SULF1: variants seen among roughly 807,000 people sequenced by gnomAD.
The protein encoded by SULF1 is sulfatase 1, also known as extracellular sulfatase Sulf-1.
In SULF1, 46 loss-of-function variants were observed where a neutral mutation model predicts 110.5. That is an observed-to-expected ratio of 0.42 (90% CI 0.33 to 0.53). SULF1 has a LOEUF of 0.53. Among genes scored for constraint, SULF1 ranks in the 20% least tolerant of loss-of-function variants. The pLI, the probability that SULF1 is intolerant of heterozygous loss-of-function variation, is 0.12. For missense variants in SULF1, 941 were observed against 1,094.2 expected, an observed-to-expected ratio of 0.86 and a Z score of 1.98; for synonymous variants, 371 against 387.1, an observed-to-expected ratio of 0.96 and a Z score of 0.49.
intron 10 of SULF1, among the ~76,000 whole-genome samples, chr8:69,602,585 G>C (rs1807911677): frequency 6.6e-6 from 1 of 152,216 alleles, no homozygotes; most frequent in East Asian, 1.9e-4. Context: ...TTCTGGAAGT[G>C]GTGGCAGTGG....
chr8:69,649,972 CTTTTTTTTTTTTTTTTTTT>C (rs536073966), intron 22 of SULF1, among the ~76,000 whole-genome samples: 5 of 30,588 alleles, frequency 1.6e-4, no homozygotes, highest in Admixed American at 4.8e-4. Context: ...CTCCTGCTTG[CTTTTTTTTTTTTTTTTTTT>C]TTTTTTTTTT....
chr8:69,548,485 G>A (rs148500859), intron 3 of SULF1, among the ~76,000 whole-genome samples: 26 of 147,828 alleles, frequency 1.8e-4, no homozygotes, highest in South Asian at 6.4e-4. Context: ...TCACTCTGTC[G>A]CTCAAGCTAG....
chr8:69,538,558 G>A (rs1037480400), intron 3 of SULF1, among the ~76,000 whole-genome samples: 3 of 152,194 alleles, frequency 2.0e-5, no homozygotes, highest in African/African-American at 7.2e-5. Flanking sequence ...CTTGCTAATG[G>A]TATGGAGAGG....
At chr8:69,647,146 T>C (rs1477005850) in intron 22 of SULF1, among the ~76,000 whole-genome samples, 1 of 151,900 alleles carries the variant, frequency 6.6e-6, no homozygotes, top group Non-Finnish European at 1.5e-5. Context: ...GGTTTCACCA[T>C]GTTCGTCAGG....
intron 1 of SULF1, among the ~76,000 whole-genome samples, chr8:69,468,443 T>C (rs184963649): frequency 4.8e-4 from 73 of 152,328 alleles, no homozygotes; most frequent in Admixed American, 7.2e-4. Context: ...AAACAATATT[T>C]TAATATGGTC....
intron 3 of SULF1, among the ~76,000 whole-genome samples, chr8:69,513,154 C>G (rs1456889853): frequency 2.0e-5 from 3 of 152,198 alleles, no homozygotes; most frequent in African/African-American, 7.2e-5. Flanking sequence ...ATTTAAAAAA[C>G]AAAGTTGCAA....
chr8:69,552,245 C>T (rs1586380117), intron 3 of SULF1, among the ~76,000 whole-genome samples: 3 of 152,166 alleles, frequency 2.0e-5, no homozygotes, highest in Admixed American at 6.5e-5. Context: ...CCTTCTCTTG[C>T]GTAGCTCTTT....
At chr8:69,601,956 A>T in intron 10 of SULF1, 127 bp downstream of exon 10, 6 of 944,284 alleles carry the variant, frequency 6.4e-6, no homozygotes, top group Non-Finnish European at 9.1e-6. Flanking sequence ...TAGGCTGGTT[A>T]ATTTCGAAGA....
chr8:69,502,875 T>C (rs62512974), intron 3 of SULF1, among the ~76,000 whole-genome samples: 49,057 of 151,416 alleles, frequency 0.32, 8,262 homozygotes, highest in Non-Finnish European at 0.37. Flanking sequence ...TTAGCAGAGA[T>C]GGGGTTTCAC....
chr8:69,520,297 T>G (rs903916331), intron 3 of SULF1, among the ~76,000 whole-genome samples: 14 of 149,570 alleles, frequency 9.4e-5, no homozygotes, highest in Non-Finnish European at 1.5e-4. Context: ...TATATTTCTG[T>G]TTTTTTTTCC....
chr8:69,626,619 GC>G, intron 15 of SULF1, among the ~76,000 whole-genome samples: 1 of 152,370 alleles, frequency 6.6e-6, no homozygotes, highest in South Asian at 2.1e-4. Context: ...CAGTCCCGAG[GC>G]CTGCCCTGCG....
chr8:69,586,459 CTGTT>C lies in SULF1; in HGVS notation c.519_522del (p.Cys174AlafsTer20). ...AAGAATTCTCGCTTCTATAATTACA[CTGTT>C]TGTCGCAATGGCATCAAAGAAAAGC... On this transcript the variant is annotated frameshift_variant, in exon 7 of 23. Transcript: ENST00000402687. LOFTEE classifies it high-confidence loss of function. The C allele has an allele frequency of 6.2e-7, 1 of 1,612,044 alleles. No individual in the cohort carries two copies. Among genetic ancestry groups the C allele is most frequent in the Non-Finnish European group, 8.5e-7 (1 of 1,179,520 alleles).
chr8:69,581,951 G>A (rs746267325), intron 6 of SULF1, among the ~76,000 whole-genome samples: 4 of 151,574 alleles, frequency 2.6e-5, no homozygotes, highest in African/African-American at 7.2e-5. Context: ...CATTTCTTAC[G>A]CTCCGTTAAC....
intron 6 of SULF1, among the ~76,000 whole-genome samples, chr8:69,578,864 GT>G (rs1397859836): frequency 6.6e-6 from 1 of 152,138 alleles, no homozygotes; most frequent in African/African-American, 2.4e-5. Flanking sequence ...CAAAAACTTA[GT>G]TAACAGTAGG....
chr8:69,503,886 G>A (rs1414412419), intron 3 of SULF1, among the ~76,000 whole-genome samples: 2 of 151,466 alleles, frequency 1.3e-5, no homozygotes, highest in Non-Finnish European at 1.5e-5. Flanking sequence ...TGCAACCTCC[G>A]ACCCCTGAGT....
rs529706175 is a variant in SULF1, at chr8:69,643,226, T to C, written c.2585+2385T>C. ...CTAAACACCCAAATGCAGTGTTTGATGTGGCCTTACCTGCTCCTTGTATCT... is the reference window on the plus strand; with the variant it reads ...CTAAACACCCAAATGCAGTGTTTGACGTGGCCTTACCTGCTCCTTGTATCT... On this transcript the variant is annotated intron_variant, in intron 22 of 22. Coordinates refer to ENST00000402687, the MANE Select transcript of SULF1 (RefSeq NM_001128205.2). Among the ~76,000 whole-genome samples, 88 of 152,344 alleles carry C rather than the reference T, an allele frequency of 5.8e-4. 1 individual carries two copies. Among genetic ancestry groups the C allele is most frequent in the African/African-American group, 1.6e-3 (65 of 41,584 alleles).
chr8:69,565,993 C>T (rs897713007), intron 5 of SULF1, among the ~76,000 whole-genome samples: 5 of 152,090 alleles, frequency 3.3e-5, no homozygotes, highest in African/African-American at 4.8e-5. Flanking sequence ...TCATGTCATG[C>T]GCTTGGTGTT....
chr8:69,640,726 G>A (rs1309636862), intron 21 of SULF1, 82 bp from the exon 22 acceptor site: 2 of 1,185,174 alleles, frequency 1.7e-6, no homozygotes, highest in East Asian at 2.5e-5. Flanking sequence ...GGATTTAGAT[G>A]TTGTGCATGA....
chr8:69,553,709 T>C (rs1268704814), intron 3 of SULF1, among the ~76,000 whole-genome samples: 1 of 152,222 alleles, frequency 6.6e-6, no homozygotes, highest in African/African-American at 2.4e-5. Context: ...TTGAAAACTG[T>C]TTTAGTTTCC....
Sources: allele counts gnomAD v4.1 joint callset (sites outside exome capture counted in the v4.1 genomes callset), GRCh38; gene constraint gnomAD v4.1.1; transcripts MANE v1.5; gene names NCBI Gene and HGNC (gene_info 2026-07-23, HGNC 2026-07-21).